The following PRKN variants were observed in gnomAD, a reference collection of about 807,000 sequenced individuals.
PRKN encodes E3 ubiquitin-protein ligase parkin.
A neutral mutation model predicts 59.5 loss-of-function variants in PRKN; 56 were observed. The observed-to-expected ratio is 0.94, with a 90% confidence interval of 0.76 to 1.18. The LOEUF is 1.18. Ranked by LOEUF, PRKN falls within the 50% of genes most tolerant of loss-of-function variation. The pLI is 0.00. For missense variants in PRKN, 657 were observed against 596.4 expected, an observed-to-expected ratio of 1.10 and a Z score of -1.06; for synonymous variants, 250 against 222.1, an observed-to-expected ratio of 1.13 and a Z score of -1.12.
chr6:161,481,543 G>A (rs1399731387), intron 9 of PRKN, among the ~76,000 whole-genome samples: 1 of 152,162 alleles, frequency 6.6e-6, no homozygotes, highest in Non-Finnish European at 1.5e-5. Context: ...GGTGGAGGTT[G>A]CAGTGAGCTG....
intron 1 of PRKN, among the ~76,000 whole-genome samples, chr6:162,551,441 C>T (rs1240459511): frequency 1.3e-5 from 2 of 152,144 alleles, no homozygotes; most frequent in Admixed American, 6.5e-5. Context: ...TCAGAGATTT[C>T]TTTTGTTCTT....
chr6:162,032,105 A>G (rs1367283382), intron 5 of PRKN, among the ~76,000 whole-genome samples: 1 of 152,170 alleles, frequency 6.6e-6, no homozygotes, highest in Non-Finnish European at 1.5e-5. Context: ...AAGGTTTTCA[A>G]ACAGCTTTAG....
chr6:161,500,360 C>T (rs1777917212), intron 9 of PRKN, among the ~76,000 whole-genome samples: 1 of 152,204 alleles, frequency 6.6e-6, no homozygotes, highest in South Asian at 2.1e-4. Context: ...TGGTGCTGTA[C>T]TTCCTATGGG....
intron 1 of PRKN, among the ~76,000 whole-genome samples, chr6:162,455,716 G>A (rs1316814323): frequency 6.6e-6 from 1 of 150,800 alleles, no homozygotes; most frequent in African/African-American, 2.5e-5. Context: ...TCAAAAGGCG[G>A]TCACTTTCCA....
chr6:162,602,484 C>T (rs1781751140), intron 1 of PRKN, among the ~76,000 whole-genome samples: 1 of 152,098 alleles, frequency 6.6e-6, no homozygotes, highest in Non-Finnish European at 1.5e-5. Flanking sequence ...GTGAAGGCTC[C>T]AAAGAGCCAC....
intron 1 of PRKN, among the ~76,000 whole-genome samples, chr6:162,687,183 T>C (rs1372616213): frequency 7.3e-6 from 1 of 136,390 alleles, no homozygotes; most frequent in Non-Finnish European, 1.5e-5. Flanking sequence ...AAAGAGCCTC[T>C]TTTTCTTTTT....
At chr6:162,051,204 G>T (rs1029717786) in intron 5 of PRKN, among the ~76,000 whole-genome samples, 5 of 152,140 alleles carry the variant, frequency 3.3e-5, no homozygotes, top group Non-Finnish European at 7.3e-5. Context: ...GAAGGGATTT[G>T]TTGGGGAAGC....
chr6:161,921,804 T>C (rs1778796103), intron 6 of PRKN, among the ~76,000 whole-genome samples: 1 of 152,226 alleles, frequency 6.6e-6, no homozygotes, highest in Non-Finnish European at 1.5e-5. Context: ...TGTTGAAATT[T>C]GGTAGAACGT....
chr6:161,606,812 C>G (rs1417805954), intron 7 of PRKN, among the ~76,000 whole-genome samples: 1 of 152,166 alleles, frequency 6.6e-6, no homozygotes, highest in Non-Finnish European at 1.5e-5. Context: ...AAATCTCATA[C>G]AGTGAGCAGT....
At chr6:162,601,650 A>T (rs1486207892) in intron 1 of PRKN, among the ~76,000 whole-genome samples, 2 of 152,212 alleles carry the variant, frequency 1.3e-5, no homozygotes, top group African/African-American at 4.8e-5. Context: ...ATCTTATATA[A>T]AAAACAATTG....
At chr6:161,779,449 T>TTTTTTC (rs1790108376) in intron 7 of PRKN, among the ~76,000 whole-genome samples, 1 of 96,578 alleles carries the variant, frequency 1.0e-5, no homozygotes, top group Non-Finnish European at 2.1e-5. Flanking sequence ...TCTTTTTTTT[T>TTTTTTC]TTTTTTTTTT....
intron 9 of PRKN, among the ~76,000 whole-genome samples, chr6:161,517,918 T>C (rs2115350774): frequency 6.6e-6 from 1 of 152,252 alleles, no homozygotes; most frequent in East Asian, 1.9e-4. Context: ...CTGGGACCTT[T>C]CTGTGCTATG....
intron 1 of PRKN, among the ~76,000 whole-genome samples, chr6:162,471,658 T>G (rs1791755608): frequency 6.6e-6 from 1 of 152,244 alleles, no homozygotes; most frequent in Non-Finnish European, 1.5e-5. Flanking sequence ...GTAAACATTA[T>G]AAGTGTTCAT....
At chr6:162,488,887 T>C (rs1426202149) in intron 1 of PRKN, among the ~76,000 whole-genome samples, 1 of 152,102 alleles carries the variant, frequency 6.6e-6, no homozygotes. Context: ...TATTTAATAA[T>C]CATGCAAACT....
intron 3 of PRKN, among the ~76,000 whole-genome samples, chr6:162,236,710 GC>G (rs1778738615): frequency 6.6e-6 from 1 of 152,002 alleles, no homozygotes; most frequent in African/African-American, 2.4e-5. Flanking sequence ...CAGGAGCATC[GC>G]TTGAACCTGG....
chr6:162,482,827 T>A (rs1792367412), intron 1 of PRKN, among the ~76,000 whole-genome samples: 2 of 152,206 alleles, frequency 1.3e-5, no homozygotes, highest in Admixed American at 6.5e-5. Flanking sequence ...GAGATCATCT[T>A]GTCCAATCTA....
rs570293106 is a variant in PRKN at position 162,041,944 on chromosome 6, G to C, written c.618+12147C>G. ...TGTTTAGAACAGTTCTATTGATCCT[G>C]CATGTTCCCTAGGAGGAAACACAAG... is the stretch of plus-strand genomic sequence containing the variant. On this transcript the variant is annotated intron_variant, in intron 5 of 11. Transcript: ENST00000366898. 1.9e-3 allele frequency among the ~76,000 whole-genome samples: 289 copies of C among 152,058 alleles called. 2 individuals are homozygous for C. The highest frequency in any genetic ancestry group is 6.9e-3 in the African/African-American group (285 of 41,488).
intron 7 of PRKN, among the ~76,000 whole-genome samples, chr6:161,676,326 C>G (rs569370714): frequency 6.6e-6 from 1 of 152,294 alleles, no homozygotes; most frequent in East Asian, 1.9e-4. Flanking sequence ...TTCAATAGAT[C>G]AATGATTCAA....
intron 9 of PRKN, among the ~76,000 whole-genome samples, chr6:161,422,252 G>A (rs1369083146): frequency 6.8e-6 from 1 of 146,822 alleles, no homozygotes; most frequent in African/African-American, 2.6e-5. Context: ...ACGCTGGAGT[G>A]CAGTGGCATG....
Sources: gnomAD v4.1 joint callset for allele counts (sites outside exome capture counted in the v4.1 genomes callset) on GRCh38, gnomAD v4.1.1 for gene constraint, MANE v1.5 for transcripts, NCBI Gene and HGNC (gene_info 2026-07-23, HGNC 2026-07-21) for gene names.